Variants in CUL9 observed in about 807,000 individuals in gnomAD.
The protein encoded by CUL9 is cullin 9.
A neutral mutation model predicts 272.6 loss-of-function variants in CUL9; 79 were observed. The observed-to-expected ratio is 0.29, with a 90% confidence interval of 0.24 to 0.35. CUL9 has a LOEUF of 0.35. Among genes scored for constraint, CUL9 ranks in the 10% least tolerant of loss-of-function variants. The probability of loss-of-function intolerance (pLI) is 1.00; values close to 1 mark genes in which losing one functional copy is unlikely to be tolerated. For synonymous variants in CUL9, 1,186 were observed against 1,286.5 expected, an observed-to-expected ratio of 0.92 and a Z score of 1.67; for missense variants, 2,532 against 3,255.6, an observed-to-expected ratio of 0.78 and a Z score of 5.41.
intron 26 of CUL9, among the ~76,000 whole-genome samples, chr6:43,208,160 A>G (rs991340545): frequency 2.0e-5 from 3 of 152,230 alleles, no homozygotes; most frequent in Non-Finnish European, 2.9e-5. Context: ...TGTGGCTAAT[A>G]TAACTGAGGA....
At chr6:43,216,632 T>A in intron 31 of CUL9, 129 bp downstream of exon 31, 1 of 841,324 alleles carries the variant, frequency 1.2e-6, no homozygotes, top group Non-Finnish European at 1.8e-6. Context: ...ATTTAGTCTC[T>A]TAGTCCTTCT....
rs1274190241 is a variant in CUL9, at chr6:43,222,092, G to A, written c.6847-224G>A. On this transcript the variant is annotated intron_variant, in intron 35 of 40. Coordinates refer to ENST00000252050, the MANE Select transcript of CUL9 (RefSeq NM_015089.4). ...GACCCTGCATTTAGAGCCTGGCTCT[G>A]CTGCTTAGCATGTGGCTTTGAGCAA... is the stretch of plus-strand genomic sequence containing the variant. 4 of 601,988 alleles carry A rather than the reference G, an allele frequency of 6.6e-6. No individual in the cohort carries two copies. In the East Asian group the frequency reaches 8.3e-5, roughly 13 times the overall value. 37.3% of individuals were successfully genotyped at this position (601,988 alleles called of 1,614,324 possible). A position where few individuals can be genotyped will look rare whatever the true frequency, so the allele number is the denominator to read the frequency against.
In CUL9 at chr6:43,205,465, T is replaced by C. The variant is rs778492327; in HGVS notation, c.4793+42T>C. Reference sequence around the variant, plus strand: ...AGGCATAGGGGATGGGAGGCCTAGATCTAGAGAGTGGAAAGATTTGAGTCT... The same window carrying C: ...AGGCATAGGGGATGGGAGGCCTAGACCTAGAGAGTGGAAAGATTTGAGTCT... On this transcript the variant is annotated intron_variant, in intron 24 of 40. Transcript: ENST00000252050. 1.9e-6 allele frequency: 3 copies of C among 1,591,938 alleles called. No individual in the cohort carries two copies. The South Asian group carries it at 3.3e-5, about 18-fold the overall frequency.
chr6:43,222,661 G>A lies in CUL9; in HGVS notation c.7032+20G>A, dbSNP rs1480743935. On this transcript the variant is annotated intron_variant, in intron 37 of 40. Transcript: ENST00000252050. ...CGGAAGGTGGTAGCGGGTGGGGGAA[G>A]AGAGCAGGGGAGGGGTGTGCCAAAT... The A allele has an allele frequency of 1.1e-5, 18 of 1,609,912 alleles. No individual in the cohort carries two copies. Among genetic ancestry groups the A allele is most frequent in the Non-Finnish European group, 1.5e-5 (18 of 1,179,312 alleles).
Position 43,199,166 on chromosome 6 carries a change from C to G in CUL9, c.3051-100C>G. ...GGTCAGGCTGGTCTCGAACTCCCGA[C>G]CTCAGGTGATCCGCCCACTTCGGCC... On this transcript the variant is annotated intron_variant, in intron 12 of 40. Coordinates refer to ENST00000252050, the MANE Select transcript of CUL9 (RefSeq NM_015089.4). The surrounding 1 kb of genome is among the most constrained non-coding windows in gnomAD (Gnocchi z 4.4). 1.0e-6 allele frequency: 1 copy of G among 995,940 alleles called. No individual in the cohort carries two copies. The highest frequency in any genetic ancestry group is 1.6e-6 in the Non-Finnish European group (1 of 636,080). 61.7% of individuals were successfully genotyped at this position (995,940 alleles called of 1,614,324 possible).
chr6:43,222,206 A>G (rs1254503828), intron 35 of CUL9, 110 bp from the exon 36 acceptor site: 2 of 807,572 alleles, frequency 2.5e-6, no homozygotes, highest in African/African-American at 3.4e-5. Context: ...CTGAATGAAG[A>G]TAATCGGGGG....
rs1374121453 is a variant in CUL9 at position 43,213,205 on chromosome 6, C to T, written c.5269C>T (p.Leu1757=). The part of the protein sequence containing the change: ...GPHRRLQWTW[L]GRAELQFGKQ... Reference sequence around the variant, plus strand: ...ACATCGGCGACTGCAGTGGACGTGGCTGGGCCGGGCTGAGCTGCAGTTTGG... The same window carrying T: ...ACATCGGCGACTGCAGTGGACGTGGTTGGGCCGGGCTGAGCTGCAGTTTGG... The change falls in exon 27 of 41, where the codon CTG becomes TTG. Residue 1757 remains leucine, a synonymous_variant. Transcript: ENST00000252050. This position sits in a 1 kb window ranked among gnomAD's most constrained non-coding sequence, Gnocchi z 5.7. 6.2e-7 allele frequency: 1 copy of T among 1,614,060 alleles called. No individual in the cohort carries two copies. The highest frequency in any genetic ancestry group is 8.5e-7 in the Non-Finnish European group (1 of 1,180,032).
rs1350731705 is a variant in CUL9 at position 43,198,865 on chromosome 6, C to T, written c.3050+10C>T. ...TGCTGTCTGTGCTGAGGTGAGGGGCCTGTTGAGGCACCATGCATTGGGACG... is the reference window on the plus strand; with the variant it reads ...TGCTGTCTGTGCTGAGGTGAGGGGCTTGTTGAGGCACCATGCATTGGGACG... On this transcript the variant is annotated intron_variant, in intron 12 of 40. Coordinates refer to ENST00000252050, the MANE Select transcript of CUL9 (RefSeq NM_015089.4). 3 of 1,611,112 alleles carry T rather than the reference C, an allele frequency of 1.9e-6. No homozygotes were observed. Among genetic ancestry groups the T allele is most frequent in the Non-Finnish European group, 8.5e-7 (1 of 1,178,750 alleles).
intron 35 of CUL9, 80 bp from the exon 36 acceptor site, chr6:43,222,236 T>G: frequency 8.7e-7 from 1 of 1,146,826 alleles, no homozygotes; most frequent in Non-Finnish European, 1.3e-6. Flanking sequence ...AAGGCCTCCG[T>G]GAATGTTGGC....
rs766546377 is a variant in CUL9 at position 43,205,082 on chromosome 6, C to T, written c.4599C>T (p.Ala1533=). 1.2e-6 allele frequency: 2 copies of T among 1,602,210 alleles called. No homozygotes were observed. Among genetic ancestry groups the T allele is most frequent in the South Asian group, 2.2e-5 (2 of 89,758 alleles). Residue 1533 remains alanine (A), a synonymous_variant, in exon 23 of 41, where the codon GCC becomes GCT. Transcript: ENST00000252050. ...CTCTGCGCAGTGGCTTCTCTGGCGC[C>T]TTGCTGCAGCAGTCCTTCCTCACTG... ...MLALRSGFSG[A]LLQQSFLTAA...
intron 2 of CUL9, 114 bp from the exon 3 acceptor site, chr6:43,185,342 G>A: frequency 9.8e-7 from 1 of 1,025,250 alleles, no homozygotes; most frequent in Non-Finnish European, 1.4e-6. Flanking sequence ...ATTTCTTTCT[G>A]TGAGCCTTAG....
Position 43,206,483 on chromosome 6 carries a change from G to T in CUL9, c.5185G>T (p.Asp1729Tyr). The change falls in exon 26 of 41, where the codon GAC becomes TAC. Residue 1729 changes from aspartate (D) to tyrosine (Y), a missense_variant. By Grantham distance (160) the Asp-to-Tyr change is radical. Around this residue, in one of 3 missense-constraint regions of CUL9, gnomAD observed 2,218 missense variants for 2,788.6 expected, o/e 0.80. Coordinates refer to ENST00000252050, the MANE Select transcript of CUL9 (RefSeq NM_015089.4). The surrounding 1 kb of genome is among the most constrained non-coding windows in gnomAD (Gnocchi z 4.8). ...CLPTEFCDAL[D>Y]RFSSFYSQSQ... ...TCCCACAGAATTCTGTGATGCCCTT[G>T]ACCGTTTCTCCAGTTTCTACAGCCA... The T allele has an allele frequency of 6.2e-7, 1 of 1,614,190 alleles. No individual in the cohort carries two copies. The highest frequency in any genetic ancestry group is 8.5e-7 in the Non-Finnish European group (1 of 1,180,034).
chr6:43,195,942 T>C, intron 9 of CUL9, 127 bp from the exon 10 acceptor site: 1 of 676,264 alleles, frequency 1.5e-6, no homozygotes, highest in Non-Finnish European at 2.6e-6. Context: ...CTCTTCCATT[T>C]CTGTCTCCTA....
In CUL9 at chr6:43,187,345, A is replaced by G; in HGVS notation, c.1487A>G (p.Gln496Arg). 6.2e-7 allele frequency: 1 copy of G among 1,614,134 alleles called. No homozygotes were observed. Among genetic ancestry groups the G allele is most frequent in the Non-Finnish European group, 8.5e-7 (1 of 1,180,012 alleles). ...QKNERVGYLTQAEWWELLFFI... is the reference protein window; with the variant it reads ...QKNERVGYLTRAEWWELLFFI... ...AATGAGAGAGTGGGATATCTGACCCAGGCTGAATGGTGGGAGCTGCTTTTC... is the reference window on the plus strand; with the variant it reads ...AATGAGAGAGTGGGATATCTGACCCGGGCTGAATGGTGGGAGCTGCTTTTC... Residue 496 changes from glutamine (Q) to arginine (R), a missense_variant, in exon 6 of 41, where the codon CAG (glutamine) becomes CGG (arginine). By Grantham distance (43) the Gln-to-Arg change is conservative. Transcript: ENST00000252050.
chr6:43,199,313 G>T lies in CUL9; in HGVS notation c.3098G>T (p.Trp1033Leu). Residue 1033 changes from tryptophan (W) to leucine (L), a missense_variant, in exon 13 of 41, where the codon TGG becomes TTG. Coordinates refer to ENST00000252050, the MANE Select transcript of CUL9 (RefSeq NM_015089.4). The surrounding 1 kb of genome is among the most constrained non-coding windows in gnomAD (Gnocchi z 4.4). ...LDFPEAMVLPWHEVLEPCLNC... is the reference protein window; with the variant it reads ...LDFPEAMVLPLHEVLEPCLNC... ...TTCCCTGAGGCAATGGTCCTCCCCTGGCACGAGGTCTTGGAGCCCTGCCTC... is the reference window on the plus strand; with the variant it reads ...TTCCCTGAGGCAATGGTCCTCCCCTTGCACGAGGTCTTGGAGCCCTGCCTC... The T allele has an allele frequency of 1.2e-6, 2 of 1,613,652 alleles. No individual in the cohort carries two copies. The highest frequency in any genetic ancestry group is 1.7e-6 in the Non-Finnish European group (2 of 1,179,744).
chr6:43,205,874 G>T, intron 24 of CUL9, 133 bp from the exon 25 acceptor site: 1 of 685,924 alleles, frequency 1.5e-6, no homozygotes. Flanking sequence ...TTGGTGGAAA[G>T]GGAGTGGGAA....
At chr6:43,205,962 G>A (rs760774712) in intron 24 of CUL9, 45 bp from the exon 25 acceptor site, 25 of 1,574,842 alleles carry the variant, frequency 1.6e-5, no homozygotes, top group Admixed American at 5.1e-5. Context: ...GCTGGGCCAC[G>A]CTGGCACCCA....
intron 31 of CUL9, among the ~76,000 whole-genome samples, chr6:43,217,649 G>T (rs1011429558): frequency 6.6e-6 from 1 of 152,216 alleles, no homozygotes; most frequent in Admixed American, 6.5e-5. Flanking sequence ...ACGTGCATGC[G>T]TGTGTATTCT....
rs1367853868 is a variant in CUL9, at chr6:43,200,312, A to G, written c.3385-124A>G. ...CCTTGACTCCACATGGTTCTGTCAA[A>G]ATGTGGGGAGAGAGGAGTTGAGTAT... On this transcript the variant is annotated intron_variant, in intron 14 of 40. Transcript: ENST00000252050. The surrounding 1 kb of genome is among the most constrained non-coding windows in gnomAD (Gnocchi z 4.0). The G allele has an allele frequency of 6.5e-7, 1 of 1,536,080 alleles. No homozygotes were observed. Among genetic ancestry groups the G allele is most frequent in the African/African-American group, 1.4e-5 (1 of 73,194 alleles).
Sources: allele counts gnomAD v4.1 joint callset (sites outside exome capture counted in the v4.1 genomes callset), GRCh38; gene constraint gnomAD v4.1.1; regional missense constraint gnomAD v4.1.1; non-coding constraint Gnocchi (gnomAD v3.1); transcripts MANE v1.5; gene names NCBI Gene and HGNC (gene_info 2026-07-23, HGNC 2026-07-21).